Variants in MBNL1 observed in about 807,000 individuals in gnomAD.
MBNL1 encodes the protein muscleblind-like protein 1.
A neutral mutation model predicts 42.2 loss-of-function variants in MBNL1; 8 were observed. That is an observed-to-expected ratio of 0.19 (90% CI 0.11 to 0.34). The LOEUF (loss-of-function observed/expected upper bound fraction) is 0.34. MBNL1 is among the 10% of genes least tolerant of loss of function. The probability of loss-of-function intolerance (pLI) is 1.00; values close to 1 mark genes in which losing one functional copy is unlikely to be tolerated. For missense variants in MBNL1, 309 were observed against 495.3 expected, an observed-to-expected ratio of 0.62 and a Z score of 3.57; for synonymous variants, 169 against 173.9, an observed-to-expected ratio of 0.97 and a Z score of 0.22.
chr3:152,361,428 GAGAC>G (rs1313030754), intron 2 of MBNL1, among the ~76,000 whole-genome samples: 2 of 149,102 alleles, frequency 1.3e-5, no homozygotes, highest in Non-Finnish European at 3.0e-5. Flanking sequence ...GGTAGATAAA[GAGAC>G]AGAAGACATA....
chr3:152,269,192 G>C, intron 1 of MBNL1, 100 bp downstream of exon 1: 1 of 390,066 alleles, frequency 2.6e-6, no homozygotes, highest in East Asian at 7.5e-5. Context: ...GGTGCTCGCC[G>C]GCCGCGGTTC....
At chr3:152,438,381 T>A (rs953320229) in intron 4 of MBNL1, among the ~76,000 whole-genome samples, 6 of 152,182 alleles carry the variant, frequency 3.9e-5, no homozygotes, top group African/African-American at 1.4e-4. Context: ...AACCAGTTAC[T>A]CAGGTAATTA....
intron 2 of MBNL1, among the ~76,000 whole-genome samples, chr3:152,255,110 T>C (rs550731813): frequency 1.3e-4 from 20 of 152,166 alleles, no homozygotes; most frequent in African/African-American, 4.1e-4. Flanking sequence ...GGAGTAAATA[T>C]TAAAAGAAAT....
chr3:152,404,002 C>A (rs754331686), intron 2 of MBNL1, among the ~76,000 whole-genome samples: 6 of 152,140 alleles, frequency 3.9e-5, no homozygotes, highest in Non-Finnish European at 5.9e-5. Flanking sequence ...TGGTGAGAAC[C>A]TTTATTGCCT....
chr3:152,249,375 T>C (rs1220643092), intron 2 of MBNL1, among the ~76,000 whole-genome samples: 8 of 134,720 alleles, frequency 5.9e-5, no homozygotes, highest in Non-Finnish European at 8.3e-5. Context: ...CCAGTGATGA[T>C]GAGCATTTTT....
chr3:152,400,378 T>G (rs2098163296), intron 2 of MBNL1, among the ~76,000 whole-genome samples: 1 of 152,224 alleles, frequency 6.6e-6, no homozygotes, highest in African/African-American at 2.4e-5. Context: ...AAAAGCAATA[T>G]TGTCAGGTTA....
intron 8 of MBNL1, among the ~76,000 whole-genome samples, chr3:152,457,411 GAC>G (rs762896463): frequency 1.8e-4 from 28 of 152,192 alleles, no homozygotes; most frequent in Non-Finnish European, 3.4e-4. Context: ...GACCAATTAA[GAC>G]ATAGATTTGT....
intron 2 of MBNL1, among the ~76,000 whole-genome samples, chr3:152,315,293 T>G (rs1169945415): frequency 1.3e-5 from 2 of 152,204 alleles, no homozygotes; most frequent in Non-Finnish European, 2.9e-5. Flanking sequence ...ACCTAATATA[T>G]TCCCACTATA....
chr3:152,463,738 A>G lies in MBNL1; in HGVS notation c.*1372A>G, dbSNP rs1748823760. 1 of 152,428 alleles carries G rather than the reference A, an allele frequency of 6.6e-6. No individual in the cohort carries two copies. The highest frequency in any genetic ancestry group is 1.5e-5 in the Non-Finnish European group (1 of 67,956). 9.4% of individuals were successfully genotyped at this position (152,428 alleles called of 1,614,324 possible). On this transcript the variant is annotated 3_prime_UTR_variant, in exon 10 of 10. Coordinates refer to ENST00000324210, the MANE Select transcript of MBNL1 (RefSeq NM_021038.5). ...CAGTTTTTAAGAATGGAATCATCCA[A>G]AGGAATTCCTTTTTTTGAGGTTTGG...
chr3:152,369,395 T>C (rs766640896), intron 2 of MBNL1, among the ~76,000 whole-genome samples: 15 of 152,278 alleles, frequency 9.9e-5, no homozygotes, highest in East Asian at 1.9e-4. Context: ...TTTGATGTGC[T>C]CTGGATTCGG....
chr3:152,385,033 A>G (rs998394782), intron 2 of MBNL1, among the ~76,000 whole-genome samples: 1 of 152,094 alleles, frequency 6.6e-6, no homozygotes, highest in Non-Finnish European at 1.5e-5. Flanking sequence ...TTTGTGTAAC[A>G]CAAGAGAGAT....
chr3:152,388,107 G>GT (rs2097528522), intron 2 of MBNL1, among the ~76,000 whole-genome samples: 1 of 152,136 alleles, frequency 6.6e-6, no homozygotes, highest in South Asian at 2.1e-4. Flanking sequence ...TAGATTTCTG[G>GT]TTTTTAACAT....
At chr3:152,449,566 C>A (rs567386975) in intron 6 of MBNL1, among the ~76,000 whole-genome samples, 2 of 152,034 alleles carry the variant, frequency 1.3e-5, no homozygotes, top group African/African-American at 2.4e-5. Flanking sequence ...TTACTTGTGA[C>A]ACTAGTGTCT....
At chr3:152,448,600 T>C (rs1715307769) in intron 6 of MBNL1, among the ~76,000 whole-genome samples, 1 of 152,116 alleles carries the variant, frequency 6.6e-6, no homozygotes, top group Non-Finnish European at 1.5e-5. Flanking sequence ...CAGAATACCA[T>C]GGTTTTAGAG....
At chr3:152,353,059 C>T in intron 2 of MBNL1, among the ~76,000 whole-genome samples, 1 of 152,152 alleles carries the variant, frequency 6.6e-6, no homozygotes, top group Admixed American at 6.5e-5. Flanking sequence ...CAGATTTAAA[C>T]TATGTGTGTC....
At chr3:152,415,947 A>G (rs1426654354) in intron 3 of MBNL1, among the ~76,000 whole-genome samples, 1 of 152,246 alleles carries the variant, frequency 6.6e-6, no homozygotes, top group Admixed American at 6.5e-5. Context: ...TAATTGTGAT[A>G]TAGTAATTCT....
chr3:152,351,478 AT>A (rs74771866), intron 2 of MBNL1, among the ~76,000 whole-genome samples: 7,006 of 152,050 alleles, frequency 0.046, 558 homozygotes, highest in East Asian at 0.31. Flanking sequence ...TATGGTTGCT[AT>A]TTTTTCTGTA....
chr3:152,288,657 A>G (rs2054047545), intron 1 of MBNL1, among the ~76,000 whole-genome samples: 1 of 151,988 alleles, frequency 6.6e-6, no homozygotes, highest in African/African-American at 2.4e-5. Flanking sequence ...CAGATTCTTA[A>G]AACTACACAT....
intron 2 of MBNL1, among the ~76,000 whole-genome samples, chr3:152,367,164 C>G (rs2096427885): frequency 6.6e-6 from 1 of 152,038 alleles, no homozygotes; most frequent in South Asian, 2.1e-4. Context: ...TCTCCTAATG[C>G]TATCCCTCCC....
Sources: gnomAD v4.1 joint callset for allele counts (sites outside exome capture counted in the v4.1 genomes callset) on GRCh38, gnomAD v4.1.1 for gene constraint, MANE v1.5 for transcripts, NCBI Gene and HGNC (gene_info 2026-07-23, HGNC 2026-07-21) for gene names.